The following CNTNAP5 variants were observed in gnomAD, a reference collection of about 807,000 sequenced individuals.
The protein encoded by CNTNAP5 is contactin-associated protein-like 5.
A neutral mutation model predicts 150.2 loss-of-function variants in CNTNAP5; 72 were observed. The ratio of observed to expected loss-of-function variants is 0.48; its 90% confidence interval spans 0.40 to 0.58. CNTNAP5 has a LOEUF of 0.58. Ranked by LOEUF, CNTNAP5 falls within the 20% of genes least tolerant of loss-of-function variation. The probability of loss-of-function intolerance (pLI) is 0.00; values close to 1 mark genes in which losing one functional copy is unlikely to be tolerated. For missense variants in CNTNAP5, 1,636 were observed against 1,626.2 expected (o/e 1.01, Z -0.10); for synonymous variants, 672 against 619.8 (o/e 1.08, Z -1.25).
At chr2:124,908,991 G>A (rs868243158) in intron 22 of CNTNAP5, among the ~76,000 whole-genome samples, 3 of 152,102 alleles carry the variant, frequency 2.0e-5, no homozygotes, top group Middle Eastern at 6.8e-3. Flanking sequence ...AAAATAAAAA[G>A]TTCACAAAGT....
At position 124,370,975 on chromosome 2, in the gene CNTNAP5, C is replaced by CA. The variant is rs376644308; in HGVS notation, c.382-46460dup. Among the ~76,000 whole-genome samples, 94 of 151,726 alleles carry CA rather than the reference C, an allele frequency of 6.2e-4. 1 individual carries two copies. Among genetic ancestry groups the CA allele is most frequent in the Admixed American group, 3.9e-3 (60 of 15,230 alleles). ...ATAGTCATGCAGAAATATTACACAG[C>CA]AAAAAAAATGATCTGATTGTAATAA... is the stretch of plus-strand genomic sequence containing the variant. On this transcript the variant is annotated intron_variant, in intron 3 of 23. Coordinates refer to ENST00000682447, the MANE Select transcript of CNTNAP5 (RefSeq NM_001367498.1).
intron 7 of CNTNAP5, among the ~76,000 whole-genome samples, chr2:124,499,024 A>G (rs1694215481): frequency 6.6e-6 from 1 of 152,192 alleles, no homozygotes; most frequent in East Asian, 1.9e-4. Context: ...GATCTGGGAA[A>G]AGGGAGAAAC....
chr2:124,227,741 G>C (rs570898198), intron 2 of CNTNAP5, among the ~76,000 whole-genome samples: 1 of 150,110 alleles, frequency 6.7e-6, no homozygotes, highest in South Asian at 2.1e-4. Context: ...GTATTTTTTG[G>C]GAACTGTGTA....
At chr2:124,544,911 C>A (rs537823575) in intron 10 of CNTNAP5, among the ~76,000 whole-genome samples, 1 of 152,280 alleles carries the variant, frequency 6.6e-6, no homozygotes, top group Non-Finnish European at 1.5e-5. Context: ...CATGGAGCCC[C>A]TTCTCCCAAA....
At chr2:124,064,387 C>T (rs1326803627) in intron 1 of CNTNAP5, among the ~76,000 whole-genome samples, 1 of 152,046 alleles carries the variant, frequency 6.6e-6, no homozygotes, top group African/African-American at 2.4e-5. Context: ...TTTTTCCCCT[C>T]ATTAGCCATG....
intron 19 of CNTNAP5, among the ~76,000 whole-genome samples, chr2:124,822,986 T>A (rs890450915): frequency 6.6e-6 from 1 of 152,172 alleles, no homozygotes; most frequent in Non-Finnish European, 1.5e-5. Flanking sequence ...TGGAGGTGCA[T>A]AAGGCATGTT....
Position 124,025,626 on chromosome 2 carries a change from G to A in CNTNAP5, c.-25G>A, listed in dbSNP as rs557468602. The A allele has an allele frequency of 1.9e-6, 3 of 1,611,676 alleles. No homozygotes were observed. In the African/African-American group the frequency reaches 4.0e-5, roughly 21 times the overall value. On this transcript the variant is annotated 5_prime_UTR_variant, in exon 1 of 24. Coordinates refer to ENST00000682447, the MANE Select transcript of CNTNAP5 (RefSeq NM_001367498.1). ...GCTACTGCGAATTTGGGATTCGATT[G>A]GGAGGGACCGCTCACTCGGGGGAAA...
At position 124,790,083 on chromosome 2, in the gene CNTNAP5, C is replaced by T; in HGVS notation, c.2934C>T (p.His978=). The part of the protein sequence containing the change: ...CHNGGKCVEK[H]NGYLCDCTNS... ...ACGGGGGCAAGTGTGTGGAGAAGCA[C>T]AATGGCTACCTGTGTGATTGCACCA... Residue 978 remains histidine, a synonymous_variant, in exon 18 of 24, where the codon CAC becomes CAT. Transcript: ENST00000682447. 6.2e-7 allele frequency: 1 copy of T among 1,613,888 alleles called. No individual in the cohort carries two copies. Among genetic ancestry groups the T allele is most frequent in the East Asian group, 2.2e-5 (1 of 44,838 alleles).
chr2:124,493,526 G>A (rs919986046), intron 7 of CNTNAP5, among the ~76,000 whole-genome samples: 9 of 151,850 alleles, frequency 5.9e-5, no homozygotes, highest in South Asian at 2.1e-4. Context: ...ATTTTTAGTA[G>A]AGACGGGGTT....
intron 1 of CNTNAP5, among the ~76,000 whole-genome samples, chr2:124,115,397 C>T (rs1683401365): frequency 6.6e-6 from 1 of 151,994 alleles, no homozygotes. Flanking sequence ...ATATTTGGGG[C>T]ATAAAGATTA....
chr2:124,430,362 A>T (rs1692347494), intron 4 of CNTNAP5, among the ~76,000 whole-genome samples: 1 of 152,134 alleles, frequency 6.6e-6, no homozygotes, highest in African/African-American at 2.4e-5. Context: ...TCAAAGGTTA[A>T]TTGATGTGTT....
At chr2:124,553,567 A>AC (rs1363850105) in intron 10 of CNTNAP5, among the ~76,000 whole-genome samples, 1 of 152,156 alleles carries the variant, frequency 6.6e-6, no homozygotes, top group Non-Finnish European at 1.5e-5. Flanking sequence ...GCAGTCTCAA[A>AC]AAAAAGAATG....
chr2:124,243,067 T>G (rs2104769585), intron 3 of CNTNAP5, among the ~76,000 whole-genome samples: 1 of 152,280 alleles, frequency 6.6e-6, no homozygotes, highest in South Asian at 2.1e-4. Flanking sequence ...GACCTCACTG[T>G]GTGGGTGAAA....
intron 3 of CNTNAP5, among the ~76,000 whole-genome samples, chr2:124,281,141 T>C (rs1688003603): frequency 6.6e-6 from 1 of 152,142 alleles, no homozygotes; most frequent in African/African-American, 2.4e-5. Flanking sequence ...TAAAGCAGCA[T>C]AGTATATGAA....
chr2:124,247,976 A>G (rs933075492), intron 3 of CNTNAP5, among the ~76,000 whole-genome samples: 4 of 152,334 alleles, frequency 2.6e-5, no homozygotes, highest in South Asian at 2.1e-4. Context: ...AGCTTTTAAT[A>G]CAGATATTAA....
At chr2:124,704,022 C>G (rs116586117) in intron 13 of CNTNAP5, among the ~76,000 whole-genome samples, 2,116 of 152,308 alleles carry the variant, frequency 0.014, 28 homozygotes, top group Non-Finnish European at 0.024. Context: ...GTAGCTGTCA[C>G]CATTCGAACA....
chr2:124,064,737 A>G (rs1039443002), intron 1 of CNTNAP5, among the ~76,000 whole-genome samples: 1 of 152,028 alleles, frequency 6.6e-6, no homozygotes, highest in African/African-American at 2.4e-5. Flanking sequence ...CGTGACTACC[A>G]CTGGGCTTCA....
chr2:124,700,816 C>A (rs1679504737), intron 13 of CNTNAP5, among the ~76,000 whole-genome samples: 1 of 151,662 alleles, frequency 6.6e-6, no homozygotes, highest in Admixed American at 6.6e-5. Flanking sequence ...TTAAGGTATA[C>A]AAAACATGAT....
At chr2:124,707,173 A>AGAAGAT (rs1433534538) in intron 13 of CNTNAP5, among the ~76,000 whole-genome samples, 1 of 145,618 alleles carries the variant, frequency 6.9e-6, no homozygotes, top group Admixed American at 6.8e-5. Flanking sequence ...AAGAAGAAGA[A>AGAAGAT]GAAGAAGAAG....
Sources: allele counts gnomAD v4.1 joint callset (sites outside exome capture counted in the v4.1 genomes callset), GRCh38; gene constraint gnomAD v4.1.1; transcripts MANE v1.5; gene names NCBI Gene and HGNC (gene_info 2026-07-23, HGNC 2026-07-21).